Variants in IQSEC3 observed in about 807,000 individuals in gnomAD.
IQSEC3 encodes the protein IQ motif and SEC7 domain-containing protein 3.
IQSEC3 carries 50 observed loss-of-function variants against 105.4 expected under a neutral mutation model. The observed-to-expected ratio is 0.47, with a 90% CI of 0.38 to 0.60. IQSEC3 has a LOEUF of 0.60. IQSEC3 is among the 20% of genes least tolerant of loss of function. The pLI, the probability that IQSEC3 is intolerant of heterozygous loss-of-function variation, is 0.00. For synonymous variants in IQSEC3, 708 were observed against 746.0 expected (o/e 0.95, Z 0.83); for missense variants, 1,415 against 1,630.0 (o/e 0.87, Z 2.27).
rs1342688395 is a variant in IQSEC3, at chr12:107,410, T to TC, written c.623+8196_623+8197insC. Among the ~76,000 whole-genome samples, 816 of 133,448 alleles carry TC rather than the reference T, an allele frequency of 6.1e-3. 14 individuals carry two copies. Among genetic ancestry groups the TC allele is most frequent in the African/African-American group, 0.023 (794 of 33,836 alleles). The allele number at this position is 133,448 out of a possible 152,430, so 87.5% of individuals were successfully genotyped here. A position where few individuals can be genotyped will look rare whatever the true frequency, so the allele number is the denominator to read the frequency against. On this transcript the variant is annotated intron_variant, in intron 2 of 13. Coordinates refer to ENST00000538872, the MANE Select transcript of IQSEC3 (RefSeq NM_001170738.2). ...CTCCGGTAGTCTGTTTTCTTTTTTT[T>TC]TTTTTTTTTTTTTTTTTGAGACGGA...
rs1863104948 is a variant in IQSEC3, at chr12:66,835, C to T, written c.-48C>T. The T allele has an allele frequency of 1.2e-5, 16 of 1,336,852 alleles. No homozygotes were observed. Among genetic ancestry groups the T allele is most frequent in the Non-Finnish European group, 1.5e-5 (16 of 1,050,326 alleles). 82.8% of individuals were successfully genotyped at this position (1,336,852 alleles called of 1,614,324 possible). On this transcript the variant is annotated 5_prime_UTR_variant, in exon 1 of 14. Coordinates refer to ENST00000538872, the MANE Select transcript of IQSEC3 (RefSeq NM_001170738.2). ...GCTGGGCTCCCGCGCCCTCGCGCTCCCCGCCGCCAGCCCAGGCGCAGGCAG... is the reference window on the plus strand; with the variant it reads ...GCTGGGCTCCCGCGCCCTCGCGCTCTCCGCCGCCAGCCCAGGCGCAGGCAG...
chr12:163,459 T>C, intron 8 of IQSEC3, 35 bp from the exon 9 acceptor site: 2 of 1,561,486 alleles, frequency 1.3e-6, no homozygotes, highest in Non-Finnish European at 1.7e-6. Flanking sequence ...TCCAGGCCTC[T>C]GGTCTCTCCC....
chr12:125,364 C>T (rs1292788455), intron 2 of IQSEC3, among the ~76,000 whole-genome samples: 7 of 152,170 alleles, frequency 4.6e-5, no homozygotes, highest in Non-Finnish European at 1.0e-4. Flanking sequence ...CTCTGCCATA[C>T]TGCTTCTAAG....
chr12:151,365 G>A (rs1866503716), intron 5 of IQSEC3, among the ~76,000 whole-genome samples: 1 of 152,208 alleles, frequency 6.6e-6, no homozygotes, highest in South Asian at 2.1e-4. Flanking sequence ...CACCAGTGAT[G>A]CCTCCCTTTC....
chr12:160,355 G>A (rs946540950), intron 7 of IQSEC3, among the ~76,000 whole-genome samples: 1 of 151,956 alleles, frequency 6.6e-6, no homozygotes, highest in South Asian at 2.1e-4. Flanking sequence ...ATTTACTTAA[G>A]GCATTTCACC....
intron 1 of IQSEC3, among the ~76,000 whole-genome samples, chr12:85,926 T>G (rs1215163826): frequency 6.6e-6 from 1 of 152,144 alleles, no homozygotes; most frequent in African/African-American, 2.4e-5. Context: ...AATCCCCCAT[T>G]TCTCTCCAGC....
intron 1 of IQSEC3, among the ~76,000 whole-genome samples, chr12:69,703 T>A (rs1555066991): frequency 6.6e-6 from 1 of 152,280 alleles, no homozygotes. Flanking sequence ...TAATCTTGGC[T>A]GGTTGAATAT....
Position 127,072 on chromosome 12 carries a change from A to C in IQSEC3, c.903+1160A>C, listed in dbSNP as rs929010211. ...CCGAATTATCCAAAAAATATTCATC[A>C]AAAAAAATCCCAGGGAGTTGAGTGG... On this transcript the variant is annotated intron_variant, in intron 3 of 13. Transcript: ENST00000538872. Among the ~76,000 whole-genome samples, 6 of 152,124 alleles carry C rather than the reference A, an allele frequency of 3.9e-5. No individual in the cohort carries two copies. The South Asian group carries it at 1.2e-3, about 32-fold the overall frequency.
At chr12:107,944 T>C (rs1864736971) in intron 2 of IQSEC3, among the ~76,000 whole-genome samples, 1 of 152,144 alleles carries the variant, frequency 6.6e-6, no homozygotes, top group Non-Finnish European at 1.5e-5. Flanking sequence ...CATCCTCAGT[T>C]TGAGTGGCCC....
chr12:101,701 T>TTGTC (rs782544365), intron 2 of IQSEC3, among the ~76,000 whole-genome samples: 1 of 152,120 alleles, frequency 6.6e-6, no homozygotes, highest in Non-Finnish European at 1.5e-5. Flanking sequence ...GAGCCTGTTT[T>TTGTC]TGTCTGTCTG....
In IQSEC3 at chr12:141,343, C is replaced by T. The variant is rs1866019446; in HGVS notation, c.2153+58C>T. On this transcript the variant is annotated intron_variant, in intron 5 of 13. Coordinates refer to ENST00000538872, the MANE Select transcript of IQSEC3 (RefSeq NM_001170738.2). ...CCTTCCCACACCCCACCTGCCCGGG[C>T]TCTCTCTGTGAGCTCCTTGGTGAAA... is the stretch of plus-strand genomic sequence containing the variant. The T allele has an allele frequency of 7.7e-6, 12 of 1,557,924 alleles. No homozygotes were observed. In the East Asian group the frequency reaches 2.5e-4, roughly 32 times the overall value.
At chr12:141,079 G>C (rs1866001771) in intron 4 of IQSEC3, 45 bp from the exon 5 acceptor site, 1 of 1,540,298 alleles carries the variant, frequency 6.5e-7, no homozygotes, top group African/African-American at 1.4e-5. Flanking sequence ...AGTCATGGAT[G>C]GCTTCAGCTC....
rs528646502 is a variant in IQSEC3, at chr12:146,100, C to A, written c.2153+4815C>A. 2.0e-5 allele frequency among the ~76,000 whole-genome samples: 3 copies of A among 152,328 alleles called. No individual in the cohort carries two copies. In the South Asian group the frequency reaches 6.2e-4, roughly 32 times the overall value. ...TGGAAATATGTTGGCCAGAGTATAACAGATTTGTTCTTCTTAGAGGACGTT... is the reference window on the plus strand; with the variant it reads ...TGGAAATATGTTGGCCAGAGTATAAAAGATTTGTTCTTCTTAGAGGACGTT... On this transcript the variant is annotated intron_variant, in intron 5 of 13. Coordinates refer to ENST00000538872, the MANE Select transcript of IQSEC3 (RefSeq NM_001170738.2).
intron 2 of IQSEC3, among the ~76,000 whole-genome samples, chr12:112,798 C>G (rs1172445945): frequency 6.6e-6 from 1 of 152,162 alleles, no homozygotes; most frequent in Non-Finnish European, 1.5e-5. Flanking sequence ...AATGTTGACC[C>G]TCTGGTGAAA....
At chr12:121,168 A>C (rs997031331) in intron 2 of IQSEC3, among the ~76,000 whole-genome samples, 1 of 152,212 alleles carries the variant, frequency 6.6e-6, no homozygotes, top group African/African-American at 2.4e-5. Context: ...TGACAGCTGC[A>C]GACTGTGGAA....
chr12:74,635 C>T (rs568830541), intron 1 of IQSEC3, among the ~76,000 whole-genome samples: 2 of 152,400 alleles, frequency 1.3e-5, no homozygotes, highest in African/African-American at 4.8e-5. Context: ...CAAGTCCCTG[C>T]CCAGAGAAGG....
intron 5 of IQSEC3, among the ~76,000 whole-genome samples, chr12:146,737 GAGAT>G (rs1320813397): frequency 2.0e-5 from 3 of 152,130 alleles, no homozygotes; most frequent in Non-Finnish European, 2.9e-5. Context: ...AAGAAAGAGA[GAGAT>G]AGATAGAGAG....
intron 5 of IQSEC3, among the ~76,000 whole-genome samples, chr12:154,106 G>A (rs764404264): frequency 4.2e-4 from 64 of 152,296 alleles, no homozygotes; most frequent in Middle Eastern, 3.4e-3. Flanking sequence ...AGGCCCACGA[G>A]GGGTGTATTC....
intron 2 of IQSEC3, among the ~76,000 whole-genome samples, chr12:104,266 C>G (rs782006841): frequency 6.6e-6 from 1 of 152,108 alleles, no homozygotes; most frequent in Non-Finnish European, 1.5e-5. Flanking sequence ...ACAGTGAACC[C>G]AGGTCCAACT....
Sources: gnomAD v4.1 joint callset for allele counts (sites outside exome capture counted in the v4.1 genomes callset) on GRCh38, gnomAD v4.1.1 for gene constraint, MANE v1.5 for transcripts, NCBI Gene and HGNC (gene_info 2026-07-23, HGNC 2026-07-21) for gene names.